The following CIRSR variants were observed in gnomAD, a reference collection of about 807,000 sequenced individuals.
CIRSR encodes corepressor of RBPJ and splicing regulator.
the CIRSR span, among the ~76,000 whole-genome samples, chr2:174,374,766 G>A: frequency 2.6e-5 from 4 of 152,164 alleles, no homozygotes; most frequent in Non-Finnish European, 2.9e-5. Flanking sequence ...TCCTCTATAC[G>A]AAAGGTTATT....
At chr2:174,361,080 C>T in the CIRSR span, among the ~76,000 whole-genome samples, 5 of 147,432 alleles carry the variant, frequency 3.4e-5, no homozygotes, top group Admixed American at 3.3e-4. Context: ...CAATCAACTA[C>T]GATCAACTAC....
the CIRSR span, chr2:174,350,803 T>TA: frequency 1.6e-6 from 2 of 1,235,950 alleles, no homozygotes; most frequent in African/African-American, 1.5e-5. Flanking sequence ...AGTTAGTAGA[T>TA]AAAAAAGAAA....
the CIRSR span, among the ~76,000 whole-genome samples, chr2:174,377,604 G>A: frequency 6.6e-5 from 10 of 151,872 alleles, no homozygotes; most frequent in South Asian, 2.1e-3. Context: ...ATCAATTTGA[G>A]CCCAGGAGTT....
chr2:174,353,560 T>C, the CIRSR span, among the ~76,000 whole-genome samples: 14 of 152,110 alleles, frequency 9.2e-5, no homozygotes, highest in African/African-American at 3.4e-4. Flanking sequence ...CTCCGCCACC[T>C]GGGTTAAAGC....
At chr2:174,366,887 C>T in the CIRSR span, among the ~76,000 whole-genome samples, 109,099 of 152,010 alleles carry the variant, frequency 0.72, 39,487 homozygotes, top group South Asian at 0.84. Flanking sequence ...AGTTGTAAAT[C>T]CATATTTACA....
At chr2:174,369,329 G>C in the CIRSR span, among the ~76,000 whole-genome samples, 1 of 152,218 alleles carries the variant, frequency 6.6e-6, no homozygotes, top group Non-Finnish European at 1.5e-5. Flanking sequence ...CAGAGTTGAA[G>C]AGAGTCTGGG....
chr2:174,355,166 A>T, the CIRSR span, among the ~76,000 whole-genome samples: 2 of 152,190 alleles, frequency 1.3e-5, no homozygotes, highest in African/African-American at 2.4e-5. Flanking sequence ...AAATGACTCC[A>T]GATCTTTTGA....
chr2:174,392,725 C>T, the CIRSR span, among the ~76,000 whole-genome samples: 2 of 152,190 alleles, frequency 1.3e-5, no homozygotes, highest in Non-Finnish European at 2.9e-5. Context: ...GACTGTTTTA[C>T]TATCTATATT....
the CIRSR span, among the ~76,000 whole-genome samples, chr2:174,367,589 A>G: frequency 2.6e-5 from 4 of 151,770 alleles, no homozygotes; most frequent in African/African-American, 7.3e-5. Context: ...CCACCAAAAA[A>G]ATATTTGGTG....
At chr2:174,351,195 T>C in the CIRSR span, among the ~76,000 whole-genome samples, 1 of 152,228 alleles carries the variant, frequency 6.6e-6, no homozygotes, top group Non-Finnish European at 1.5e-5. Context: ...TATATAATAA[T>C]ATAGCCCTTC....
the CIRSR span, chr2:174,380,576 G>C: frequency 5.2e-6 from 7 of 1,346,814 alleles, no homozygotes; most frequent in South Asian, 3.8e-5. Flanking sequence ...GATTGAAAAA[G>C]CAACATAAGA....
chr2:174,354,134 A>G, the CIRSR span, among the ~76,000 whole-genome samples: 1 of 151,854 alleles, frequency 6.6e-6, no homozygotes, highest in Non-Finnish European at 1.5e-5. Flanking sequence ...GAGATTATAC[A>G]GACTATTAAA....
chr2:174,380,837 G>T, the CIRSR span: 1 of 1,561,886 alleles, frequency 6.4e-7, no homozygotes, highest in Non-Finnish European at 8.7e-7. Context: ...TCAAAAATAT[G>T]GAAGAAAAAA....
At chr2:174,361,050 T>C in the CIRSR span, among the ~76,000 whole-genome samples, 2 of 152,068 alleles carry the variant, frequency 1.3e-5, no homozygotes, top group Non-Finnish European at 2.9e-5. Context: ...GAGAGACTTA[T>C]AATCAACTAT....
chr2:174,372,078 T>A, the CIRSR span, among the ~76,000 whole-genome samples: 1 of 152,250 alleles, frequency 6.6e-6, no homozygotes, highest in Admixed American at 6.5e-5. Context: ...TACAGAATTT[T>A]GATTTTGATT....
the CIRSR span, chr2:174,380,943 CT>C: frequency 2.0e-5 from 14 of 713,538 alleles, no homozygotes; most frequent in East Asian, 2.1e-4. Flanking sequence ...ATTGGTTTGA[CT>C]TTTTTTCTTC....
chr2:174,348,465 G>T, the CIRSR span: 1 of 1,557,976 alleles, frequency 6.4e-7, no homozygotes, highest in Non-Finnish European at 8.7e-7. Context: ...CCAGGTAATT[G>T]TCACATACAG....
At chr2:174,354,075 C>A in the CIRSR span, among the ~76,000 whole-genome samples, 1 of 151,986 alleles carries the variant, frequency 6.6e-6, no homozygotes, top group African/African-American at 2.4e-5. Flanking sequence ...GCCTTCTTTA[C>A]AGTACTTCCA....
chr2:174,378,048 C>G, the CIRSR span, among the ~76,000 whole-genome samples: 5 of 152,134 alleles, frequency 3.3e-5, no homozygotes, highest in Non-Finnish European at 7.4e-5. Flanking sequence ...AGGTGCATCA[C>G]AGGCCTTGGT....
Sources: gnomAD v4.1 joint callset for allele counts (sites outside exome capture counted in the v4.1 genomes callset) on GRCh38, gnomAD v4.1.1 for gene constraint, MANE v1.5 for transcripts, NCBI Gene and HGNC (gene_info 2026-07-23, HGNC 2026-07-21) for gene names.